CDKL4: variants seen among roughly 807,000 people sequenced by gnomAD.
The protein encoded by CDKL4 is cyclin dependent kinase like 4.
In CDKL4, 44 loss-of-function variants were observed where a neutral mutation model predicts 42.0. The observed-to-expected ratio is 1.05, with a 90% CI of 0.82 to 1.35. The LOEUF (loss-of-function observed/expected upper bound fraction) is 1.35. Ranked by LOEUF, CDKL4 falls within the 40% of genes most tolerant of loss-of-function variation. The pLI is 0.00. For missense variants in CDKL4, 393 were observed against 369.9 expected (o/e 1.06, Z -0.51); for synonymous variants, 120 against 121.6 (o/e 0.99, Z 0.09).
intron 4 of CDKL4, among the ~76,000 whole-genome samples, chr2:39,211,575 T>C (rs1677589474): frequency 6.6e-6 from 1 of 152,094 alleles, no homozygotes; most frequent in Non-Finnish European, 1.5e-5. Flanking sequence ...GTTGCTAAGA[T>C]ATCATCTCAT....
At chr2:39,205,106 G>A (rs916565466) in intron 4 of CDKL4, among the ~76,000 whole-genome samples, 10 of 152,090 alleles carry the variant, frequency 6.6e-5, no homozygotes, top group African/African-American at 1.4e-4. Context: ...TTTGAGCCTC[G>A]AAGGTTGAGG....
chr2:39,210,084 T>TC (rs1677500958), intron 4 of CDKL4, among the ~76,000 whole-genome samples: 1 of 151,882 alleles, frequency 6.6e-6, no homozygotes, highest in Admixed American at 6.6e-5. Flanking sequence ...GCCTCTCGAG[T>TC]TCAAGTGATT....
intron 8 of CDKL4, among the ~76,000 whole-genome samples, chr2:39,180,348 C>T (rs1187151468): frequency 1.3e-5 from 2 of 152,210 alleles, no homozygotes; most frequent in Admixed American, 6.5e-5. Flanking sequence ...ATTCTCAAGC[C>T]CAGACAATTG....
chr2:39,229,516 T>C, exon 2 of CDKL4: 1 of 1,604,996 alleles, frequency 6.2e-7, no homozygotes, highest in South Asian at 1.1e-5. Flanking sequence ...CTTAGCTAAT[T>C]TTTCATACTT....
chr2:39,186,587 A>G (rs1042813847), intron 7 of CDKL4, among the ~76,000 whole-genome samples: 18 of 152,362 alleles, frequency 1.2e-4, no homozygotes, highest in East Asian at 7.7e-4. Context: ...ATAAAGGCAA[A>G]GACCATTGCA....
chr2:39,236,552 G>C (rs775126227), intron 1 of CDKL4, among the ~76,000 whole-genome samples: 35 of 152,060 alleles, frequency 2.3e-4, no homozygotes, highest in Non-Finnish European at 4.9e-4. Flanking sequence ...CTTGAAAAGA[G>C]AGAACCATTC....
intron 1 of CDKL4, among the ~76,000 whole-genome samples, chr2:39,236,706 A>G (rs1018995444): frequency 2.0e-5 from 3 of 152,098 alleles, no homozygotes; most frequent in African/African-American, 7.2e-5. Flanking sequence ...AAAGAAAGAA[A>G]AGTTATCAAA....
intron 1 of CDKL4, among the ~76,000 whole-genome samples, chr2:39,238,716 C>G (rs1679495123): frequency 6.6e-6 from 1 of 151,540 alleles, no homozygotes; most frequent in East Asian, 1.9e-4. Flanking sequence ...ATAAACCCTT[C>G]TATTTATGGT....
At chr2:39,178,102 G>A (rs888699484) in intron 9 of CDKL4, among the ~76,000 whole-genome samples, 1 of 152,262 alleles carries the variant, frequency 6.6e-6, no homozygotes, top group Non-Finnish European at 1.5e-5. Flanking sequence ...GCTGCATTGG[G>A]CTTGATTTGC....
At chr2:39,212,953 T>A (rs1328262655) in intron 4 of CDKL4, among the ~76,000 whole-genome samples, 1 of 152,288 alleles carries the variant, frequency 6.6e-6, no homozygotes, top group East Asian at 1.9e-4. Flanking sequence ...TGAGCCACCA[T>A]ACCGGCCCTG....
In CDKL4 at chr2:39,206,117, G is replaced by T. The variant is rs566116048; in HGVS notation, c.364-1500C>A. Reference sequence around the variant, plus strand: ...CGCCCAGGCTGGAGCTCAGTGGCGCGATCTCGGCTCACTGCAACCTCCGCC... The same window carrying T: ...CGCCCAGGCTGGAGCTCAGTGGCGCTATCTCGGCTCACTGCAACCTCCGCC... On this transcript the variant is annotated intron_variant, in intron 4 of 9. Coordinates refer to ENST00000451199, the Ensembl canonical transcript of CDKL4. Among the ~76,000 whole-genome samples, 5 of 151,760 alleles carry T rather than the reference G, an allele frequency of 3.3e-5. No individual in the cohort carries two copies. In the South Asian group the frequency reaches 1.0e-3, roughly 32 times the overall value.
At chr2:39,169,050 A>G in the CDKL4 span, among the ~76,000 whole-genome samples, 1 of 152,078 alleles carries the variant, frequency 6.6e-6, no homozygotes, top group African/African-American at 2.4e-5. Flanking sequence ...CCACTGTGCC[A>G]GGCTTGAGTC....
intron 3 of CDKL4, 84 bp downstream of exon 3, chr2:39,225,755 G>A (rs1375188232): frequency 3.0e-6 from 4 of 1,355,910 alleles, no homozygotes; most frequent in African/African-American, 1.5e-5. Flanking sequence ...ATTGTGGCTG[G>A]GATTTGAAAT....
intron 1 of CDKL4, among the ~76,000 whole-genome samples, chr2:39,230,882 C>T (rs962075408): frequency 4.6e-5 from 7 of 152,160 alleles, no homozygotes; most frequent in Non-Finnish European, 4.4e-5. Flanking sequence ...ATTTTAATCA[C>T]TACATTACAC....
intron 5 of CDKL4, among the ~76,000 whole-genome samples, chr2:39,193,468 C>T (rs1379025831): frequency 2.6e-5 from 4 of 151,630 alleles, no homozygotes; most frequent in African/African-American, 4.8e-5. Flanking sequence ...CTCCACCTCC[C>T]GGGTACATGC....
chr2:39,194,108 T>G (rs1220076729), intron 5 of CDKL4, among the ~76,000 whole-genome samples: 3 of 152,116 alleles, frequency 2.0e-5, no homozygotes, highest in African/African-American at 4.8e-5. Flanking sequence ...TCTCAAGAAT[T>G]TGTTCGAAAT....
intron 1 of CDKL4, among the ~76,000 whole-genome samples, chr2:39,237,509 T>C (rs1337841447): frequency 6.6e-6 from 1 of 152,156 alleles, no homozygotes; most frequent in Admixed American, 6.5e-5. Flanking sequence ...GTATTGAAAG[T>C]TCTTGTCAGT....
At chr2:39,205,287 G>A (rs868082676) in intron 4 of CDKL4, among the ~76,000 whole-genome samples, 3 of 152,160 alleles carry the variant, frequency 2.0e-5, no homozygotes, top group South Asian at 4.1e-4. Flanking sequence ...AACTCTAAAT[G>A]AGATTAGACT....
chr2:39,230,810 G>A (rs1239570594), intron 1 of CDKL4, among the ~76,000 whole-genome samples: 1 of 152,150 alleles, frequency 6.6e-6, no homozygotes, highest in African/African-American at 2.4e-5. Context: ...ATACAGATGA[G>A]AAAAGACACA....
Sources: gnomAD v4.1 joint callset for allele counts (sites outside exome capture counted in the v4.1 genomes callset) on GRCh38, gnomAD v4.1.1 for gene constraint, MANE v1.5 for transcripts, NCBI Gene and HGNC (gene_info 2026-07-23, HGNC 2026-07-21) for gene names.